The following ZNF221 variants were observed in gnomAD, a reference collection of about 807,000 sequenced individuals.
The protein encoded by ZNF221 is zinc finger protein 221.
Under a neutral mutation model 12.6 loss-of-function variants are expected in ZNF221, and 10 were observed. That is an observed-to-expected ratio of 0.79 (90% CI 0.49 to 1.34). The LOEUF is 1.34. Among genes scored for constraint, ZNF221 ranks in the 40% most tolerant of loss-of-function variants. ZNF221 has a pLI of 0.00. For missense variants in ZNF221, 661 were observed against 721.4 expected (o/e 0.92, Z 0.96); for synonymous variants, 232 against 244.0 (o/e 0.95, Z 0.46).
At chr19:43,952,474 A>G (rs189351407) in intron 1 of ZNF221, among the ~76,000 whole-genome samples, 1 of 152,338 alleles carries the variant, frequency 6.6e-6, no homozygotes, top group Admixed American at 6.5e-5. Flanking sequence ...GCTATCTTCA[A>G]TTCTAAGGGC....
At chr19:43,952,291 T>G (rs1394070250) in intron 1 of ZNF221, among the ~76,000 whole-genome samples, 3 of 152,170 alleles carry the variant, frequency 2.0e-5, no homozygotes, top group Non-Finnish European at 2.9e-5. Context: ...TAGCATTGTT[T>G]CCGCATCCTG....
intron 4 of ZNF221, among the ~76,000 whole-genome samples, chr19:43,965,576 T>G (rs1974929430): frequency 1.3e-5 from 2 of 152,262 alleles, no homozygotes. Context: ...GTATGTATGT[T>G]ATTAATTATT....
the ZNF221 span, among the ~76,000 whole-genome samples, chr19:43,979,422 C>CATATATATATATATATAT: frequency 6.5e-5 from 9 of 138,536 alleles, no homozygotes; most frequent in African/African-American, 2.5e-4. Context: ...AACAGTAATA[C>CATATATATATATATATAT]ATATATATAT....
chr19:43,965,852 A>G lies in ZNF221; in HGVS notation c.350A>G (p.His117Arg). ...EMETVPEAGPHEEWSCQQIWE... is the reference protein window; with the variant it reads ...EMETVPEAGPREEWSCQQIWE... ...GAGACTGTTCCAGAAGCAGGACCAC[A>G]TGAAGAGTGGTCCTGTCAGCAAATA... The change falls in exon 5 of 5, where the codon CAT becomes CGT. Residue 117 changes from histidine (H) to arginine (R), a missense_variant. Coordinates refer to ENST00000587682, the MANE Select transcript of ZNF221 (RefSeq NM_001297588.2). The G allele has an allele frequency of 6.2e-7, 1 of 1,613,186 alleles. No individual in the cohort carries two copies. Among genetic ancestry groups the G allele is most frequent in the Non-Finnish European group, 8.5e-7 (1 of 1,179,392 alleles).
intron 1 of ZNF221, among the ~76,000 whole-genome samples, chr19:43,951,864 T>C (rs1300723139): frequency 2.8e-5 from 1 of 35,418 alleles, no homozygotes; most frequent in East Asian, 2.0e-3. Context: ...TTTTTTTTTT[T>C]TTTTTTTTTT....
chr19:43,966,080 C>T lies in ZNF221; in HGVS notation c.578C>T (p.Ser193Leu), dbSNP rs1251759620. The T allele has an allele frequency of 6.2e-7, 1 of 1,614,252 alleles. No homozygotes were observed. Among genetic ancestry groups the T allele is most frequent in the Admixed American group, 1.7e-5 (1 of 60,036 alleles). ...TTTGATCTTCATCAACAATCACACT[C>T]AGGAGAGAAATCTCATACATGTGGT... ...SVFDLHQQSH[S>L]GEKSHTCGEC... The change falls in exon 5 of 5, where the codon TCA becomes TTA. Residue 193 changes from serine (S) to leucine (L), a missense_variant. Coordinates refer to ENST00000587682, the MANE Select transcript of ZNF221 (RefSeq NM_001297588.2).
At chr19:43,952,657 A>G (rs540738237) in intron 1 of ZNF221, among the ~76,000 whole-genome samples, 33 of 152,326 alleles carry the variant, frequency 2.2e-4, no homozygotes, top group African/African-American at 7.7e-4. Context: ...GTCAGAGCCC[A>G]AGCTGATAAT....
intron 1 of ZNF221, among the ~76,000 whole-genome samples, chr19:43,954,442 C>T (rs1974722541): frequency 6.6e-6 from 1 of 152,088 alleles, no homozygotes; most frequent in Non-Finnish European, 1.5e-5. Context: ...TTAGAATCAC[C>T]ACTGTGCCGG....
chr19:43,962,780 A>G lies in ZNF221; in HGVS notation c.54A>G (p.Glu18=), dbSNP rs575228648. The G allele has an allele frequency of 6.2e-6, 10 of 1,613,950 alleles. No homozygotes were observed. The South Asian group carries it at 9.9e-5, about 16-fold the overall frequency. ...ATTCAGGACTCTGCAAATTCCCTGA[A>G]GTAGAAGGAAAAATGACCACATTCA... ...LLHSGLCKFP[E]VEGKMTTFKE... The change falls in exon 2 of 5, where the codon GAA becomes GAG. Residue 18 remains glutamate (E), a synonymous_variant. Coordinates refer to ENST00000587682, the MANE Select transcript of ZNF221 (RefSeq NM_001297588.2).
chr19:43,970,582 G>A (rs530232970), downstream of ZNF221, among the ~76,000 whole-genome samples: 1 of 152,278 alleles, frequency 6.6e-6, no homozygotes, highest in African/African-American at 2.4e-5. Context: ...CTGACTTGAT[G>A]GAGCTGAAAA....
At position 43,966,607 on chromosome 19, in the gene ZNF221, G is replaced by A. The variant is rs747556960; in HGVS notation, c.1105G>A (p.Glu369Lys). 5 of 1,614,132 alleles carry A rather than the reference G, an allele frequency of 3.1e-6. No homozygotes were observed. The highest frequency in any genetic ancestry group is 1.1e-5 in the South Asian group (1 of 91,088). ...CATAGAAGAGAAGCCATACAAATGT[G>A]AGCAATGTGGAAAAGGCTTCATTTG... ...VHIEEKPYKC[E>K]QCGKGFICRR... Residue 369 changes from glutamate (E) to lysine (K), a missense_variant, in exon 5 of 5, where the codon GAG becomes AAG. By Grantham distance (56) the Glu-to-Lys change is moderately conservative (BLOSUM62 1). Coordinates refer to ENST00000587682, the MANE Select transcript of ZNF221 (RefSeq NM_001297588.2).
rs764954003 is a variant in ZNF221 at position 43,966,260 on chromosome 19, C to A, written c.758C>A (p.Pro253Gln). The change falls in exon 5 of 5, where the codon CCA becomes CAA. Residue 253 changes from proline to glutamine, a missense_variant. Transcript: ENST00000587682. ...THQRVHTGEK[P>Q]FKCGQCGKGF... is the part of the protein sequence containing the mutation. ...CAGAGAGTCCATACTGGAGAGAAAC[C>A]ATTCAAATGTGGGCAATGTGGGAAA... is the stretch of plus-strand genomic sequence containing the variant. 5 of 1,614,060 alleles carry A rather than the reference C, an allele frequency of 3.1e-6. No homozygotes were observed. The South Asian group carries it at 4.4e-5, about 14-fold the overall frequency.
chr19:43,959,827 A>G, intron 1 of ZNF221, among the ~76,000 whole-genome samples: 1 of 152,218 alleles, frequency 6.6e-6, no homozygotes, highest in East Asian at 1.9e-4. Flanking sequence ...ACAGAAATGA[A>G]CTAATACAGA....
Position 43,957,955 on chromosome 19 carries a change from T to A in ZNF221, c.-2-4770T>A, listed in dbSNP as rs1180483919. 3.9e-5 allele frequency among the ~76,000 whole-genome samples: 6 copies of A among 152,238 alleles called. No individual in the cohort carries two copies. The South Asian group carries it at 1.2e-3, about 31-fold the overall frequency. ...TATCCAGGCAAGGTTGGGCAGGGGC[T>A]TATAAATGTTTACTGTAAGTTTACA... On this transcript the variant is annotated intron_variant, in intron 1 of 4. Transcript: ENST00000587682.
In ZNF221 at chr19:43,966,697, T is replaced by A. The variant is rs1444740899; in HGVS notation, c.1195T>A (p.Cys399Ser). The A allele has an allele frequency of 6.2e-7, 1 of 1,614,128 alleles. No homozygotes were observed. Among genetic ancestry groups the A allele is most frequent in the Non-Finnish European group, 8.5e-7 (1 of 1,180,056 alleles). The part of the protein sequence containing the change: ...TGEKPYNCKE[C>S]GKTFRWSSCL... ...AGAGAAACCATATAATTGTAAAGAATGTGGGAAGACCTTCAGATGGTCCTC... is the reference window on the plus strand; with the variant it reads ...AGAGAAACCATATAATTGTAAAGAAAGTGGGAAGACCTTCAGATGGTCCTC... The change falls in exon 5 of 5, where the codon TGT becomes AGT. Residue 399 changes from cysteine (C) to serine (S), a missense_variant. By Grantham distance (112) the Cys-to-Ser change is moderately radical. Coordinates refer to ENST00000587682, the MANE Select transcript of ZNF221 (RefSeq NM_001297588.2).
the ZNF221 span, among the ~76,000 whole-genome samples, chr19:43,981,456 G>A: frequency 6.6e-6 from 1 of 152,158 alleles, no homozygotes; most frequent in Admixed American, 6.5e-5. Flanking sequence ...ATCTTCAACA[G>A]GGATAATATA....
At chr19:43,959,027 G>C (rs1333529250) in intron 1 of ZNF221, among the ~76,000 whole-genome samples, 1 of 151,906 alleles carries the variant, frequency 6.6e-6, no homozygotes. Context: ...TCTGCATCAG[G>C]TGTTTACCGT....
chr19:43,966,052 G>A lies in ZNF221; in HGVS notation c.550G>A (p.Val184Ile), dbSNP rs1974943855. The A allele has an allele frequency of 1.2e-6, 2 of 1,614,230 alleles. No homozygotes were observed. Among genetic ancestry groups the A allele is most frequent in the Non-Finnish European group, 1.7e-6 (2 of 1,180,042 alleles). ...TAAACAGTCCTTCAGTGATGTTTCT[G>A]TCTTTGATCTTCATCAACAATCACA... ...ECKQSFSDVSVFDLHQQSHSG... is the reference protein window; with the variant it reads ...ECKQSFSDVSIFDLHQQSHSG... The change falls in exon 5 of 5, where the codon GTC (valine) becomes ATC (isoleucine). Residue 184 changes from valine to isoleucine, a missense_variant. Physicochemically the swap from Val to Ile is conservative, Grantham distance 29. Transcript: ENST00000587682.
intron 1 of ZNF221, among the ~76,000 whole-genome samples, chr19:43,957,469 C>T (rs546730238): frequency 7.9e-5 from 12 of 152,256 alleles, no homozygotes; most frequent in East Asian, 1.9e-4. Context: ...CACCATAACC[C>T]GCCTGGAGAA....
Sources: allele counts gnomAD v4.1 joint callset (sites outside exome capture counted in the v4.1 genomes callset), GRCh38; gene constraint gnomAD v4.1.1; transcripts MANE v1.5; gene names NCBI Gene and HGNC (gene_info 2026-07-23, HGNC 2026-07-21).